Variants in INSL6 observed in about 807,000 individuals in gnomAD.
INSL6 encodes the protein insulin like 6.
INSL6 carries 16 observed loss-of-function variants against 9.4 expected under a neutral mutation model. The observed-to-expected ratio is 1.70, with a 90% CI of 1.15 to 2.59. The LOEUF (loss-of-function observed/expected upper bound fraction) is 2.59, where lower values mean the gene tolerates loss of function less well. Among genes scored for constraint, INSL6 ranks in the 30% most tolerant of loss-of-function variants. The pLI, the probability that INSL6 is intolerant of heterozygous loss-of-function variation, is 0.00. For missense variants in INSL6, 391 were observed against 257.3 expected (o/e 1.52, Z -3.56); for synonymous variants, 154 against 96.9 (o/e 1.59, Z -3.46).
the INSL6 span, among the ~76,000 whole-genome samples, chr9:5,043,635 C>G: frequency 5.9e-5 from 9 of 152,280 alleles, no homozygotes; most frequent in South Asian, 2.1e-4. Context: ...TCCACAAAAA[C>G]TTGTACATGA....
chr9:5,115,909 G>C, the INSL6 span, among the ~76,000 whole-genome samples: 10 of 152,128 alleles, frequency 6.6e-5, no homozygotes, highest in African/African-American at 1.9e-4. Flanking sequence ...GCCTGTTGTT[G>C]GGTGGAGGGC....
chr9:4,992,741 G>A, the INSL6 span, among the ~76,000 whole-genome samples: 2,109 of 152,212 alleles, frequency 0.014, 48 homozygotes, highest in African/African-American at 0.048. Flanking sequence ...TATGTCCCCT[G>A]CATACTTTAC....
chr9:4,999,322 T>C, the INSL6 span, among the ~76,000 whole-genome samples: 2 of 152,250 alleles, frequency 1.3e-5, no homozygotes, highest in Non-Finnish European at 1.5e-5. Flanking sequence ...TATTAAAATA[T>C]CTTATTTGCA....
the INSL6 span, among the ~76,000 whole-genome samples, chr9:5,018,922 T>C: frequency 6.6e-6 from 1 of 152,190 alleles, no homozygotes; most frequent in Non-Finnish European, 1.5e-5. Context: ...AGACTCTTTT[T>C]TCTTGCTGTT....
At chr9:5,066,667 T>A in the INSL6 span, 1 of 1,477,474 alleles carries the variant, frequency 6.8e-7, no homozygotes, top group Non-Finnish European at 9.5e-7. Flanking sequence ...TTGCTTCTTC[T>A]TTACCTTTAG....
At chr9:5,110,821 G>A in the INSL6 span, 3 of 441,534 alleles carry the variant, frequency 6.8e-6, no homozygotes, top group African/African-American at 2.0e-5. Flanking sequence ...CTGCTGCATC[G>A]CCCGTTTGTT....
chr9:5,105,420 C>G, the INSL6 span, among the ~76,000 whole-genome samples: 5 of 152,278 alleles, frequency 3.3e-5, no homozygotes, highest in African/African-American at 9.6e-5. Context: ...CAAGAGGACA[C>G]AAACAAATGG....
chr9:5,164,030 T>C lies in INSL6; in HGVS notation c.525A>G (p.Ser175=). The C allele has an allele frequency of 6.2e-7, 1 of 1,613,702 alleles. No individual in the cohort carries two copies. Among genetic ancestry groups the C allele is most frequent in the Non-Finnish European group, 8.5e-7 (1 of 1,179,830 alleles). ...TACATCCTGTAAGACAACACTTTTC[T>C]GAATATCCTCTGCGTTTTCTTTGGG... is the stretch of plus-strand genomic sequence containing the variant. ...HHPQRKRRGY[S]EKCCLTGCTK... Residue 175 remains serine (S), a synonymous_variant, in exon 2 of 2, where the codon TCA becomes TCG. Transcript: ENST00000381641.
At chr9:5,149,443 C>T (rs1012159173) in intron 2 of INSL6, among the ~76,000 whole-genome samples, 1 of 152,150 alleles carries the variant, frequency 6.6e-6, no homozygotes, top group Admixed American at 6.5e-5. Flanking sequence ...CATTTCTATA[C>T]ACCAATAATG....
intron 2 of INSL6, among the ~76,000 whole-genome samples, chr9:5,136,813 A>G: frequency 6.6e-6 from 1 of 152,240 alleles, no homozygotes; most frequent in Non-Finnish European, 1.5e-5. Context: ...TTCAATTAGG[A>G]AAAGAGGAAG....
At chr9:5,135,108 G>A (rs1415317525) in intron 2 of INSL6, among the ~76,000 whole-genome samples, 1 of 152,106 alleles carries the variant, frequency 6.6e-6, no homozygotes, top group Non-Finnish European at 1.5e-5. Flanking sequence ...TAATGGTAAA[G>A]GGAATCAATG....
At chr9:5,183,807 G>A (rs1236983815) in intron 1 of INSL6, among the ~76,000 whole-genome samples, 1 of 152,076 alleles carries the variant, frequency 6.6e-6, no homozygotes, top group African/African-American at 2.4e-5. Context: ...CAGTAAACTG[G>A]ACCTTGTTAC....
the INSL6 span, among the ~76,000 whole-genome samples, chr9:5,004,181 A>T: frequency 1.1e-4 from 17 of 152,144 alleles, no homozygotes; most frequent in African/African-American, 4.1e-4. Context: ...CAAGTATACG[A>T]TATATTGTTA....
At chr9:4,997,936 T>A in the INSL6 span, among the ~76,000 whole-genome samples, 1 of 152,216 alleles carries the variant, frequency 6.6e-6, no homozygotes, top group Non-Finnish European at 1.5e-5. Context: ...TTAATCTGAA[T>A]GCATTATGAT....
chr9:5,141,116 G>A (rs1263165240), intron 2 of INSL6, among the ~76,000 whole-genome samples: 3 of 152,076 alleles, frequency 2.0e-5, no homozygotes, highest in Non-Finnish European at 2.9e-5. Context: ...ATCACTGACG[G>A]ACATTTAGGT....
At chr9:5,116,684 G>C in the INSL6 span, among the ~76,000 whole-genome samples, 1 of 152,272 alleles carries the variant, frequency 6.6e-6, no homozygotes, top group Admixed American at 6.5e-5. Flanking sequence ...ACTATACAGG[G>C]AGGTAGGGAT....
chr9:5,100,530 T>C, the INSL6 span: 2 of 152,268 alleles, frequency 1.3e-5, no homozygotes, highest in Non-Finnish European at 2.9e-5. Flanking sequence ...TGGTTTCTTC[T>C]GGGCATTCTA....
At chr9:5,043,312 TAA>T in the INSL6 span, among the ~76,000 whole-genome samples, 2 of 143,638 alleles carry the variant, frequency 1.4e-5, no homozygotes, top group Non-Finnish European at 1.5e-5. Context: ...TTAGGGGCTT[TAA>T]AAAAAAAAAG....
At chr9:5,119,724 A>G (rs1823470549), downstream of INSL6, among the ~76,000 whole-genome samples, 1 of 152,178 alleles carries the variant, frequency 6.6e-6, no homozygotes, top group Non-Finnish European at 1.5e-5. Context: ...TTTGGGGAAT[A>G]ATTAGAAGCA....
Sources: allele counts gnomAD v4.1 joint callset (sites outside exome capture counted in the v4.1 genomes callset), GRCh38; gene constraint gnomAD v4.1.1; transcripts MANE v1.5; gene names NCBI Gene and HGNC (gene_info 2026-07-23, HGNC 2026-07-21).